The following SERINC3 variants were observed in gnomAD, a reference collection of about 807,000 sequenced individuals.
The protein encoded by SERINC3 is serine incorporator 3.
A neutral mutation model predicts 52.1 loss-of-function variants in SERINC3; 22 were observed. The observed-to-expected ratio is 0.42, with a 90% CI of 0.30 to 0.60. The LOEUF (loss-of-function observed/expected upper bound fraction) is 0.60, where lower values mean the gene tolerates loss of function less well. Among genes scored for constraint, SERINC3 ranks in the 20% least tolerant of loss-of-function variants. The pLI is 0.16. For synonymous variants in SERINC3, 226 were observed against 212.7 expected (o/e 1.06, Z -0.54); for missense variants, 564 against 584.6 (o/e 0.96, Z 0.36).
chr20:44,501,343 G>A (rs1180419216), intron 8 of SERINC3, 43 bp from the exon 9 acceptor site: 2 of 1,506,196 alleles, frequency 1.3e-6, no homozygotes, highest in African/African-American at 1.4e-5. Context: ...AAGGGGCCAT[G>A]ACAATGAACT....
At chr20:44,517,558 AG>A (rs1169248493) in intron 1 of SERINC3, among the ~76,000 whole-genome samples, 1 of 151,948 alleles carries the variant, frequency 6.6e-6, no homozygotes, top group East Asian at 1.9e-4. Context: ...CTACAAGCCA[AG>A]GAACATCAAA....
chr20:44,496,322 C>T (rs2064249139), downstream of SERINC3: 3 of 152,468 alleles, frequency 2.0e-5, no homozygotes, highest in South Asian at 4.1e-4. Context: ...CTTGAGTCAT[C>T]CAGCAGTAAT....
In SERINC3 at chr20:44,506,935, A is replaced by AT; in HGVS notation, c.674dup (p.Tyr225Ter). 1 of 1,613,532 alleles carries AT rather than the reference A, an allele frequency of 6.2e-7. No individual in the cohort carries two copies. ...ILSIICVGLL[Y>*]TYYTKPDGCT... ...AGCCATCTGGTTTGGTGTAATATGT[A>AT]TAGAGCAGCCCGACACAGATGATTG... Residue 225 changes from tyrosine to a stop codon, truncating the protein, a stop_gained and frameshift_variant, in exon 6 of 10, where the codon TAT becomes TAAT. Transcript: ENST00000342374. LOFTEE classifies it high-confidence loss of function.
chr20:44,500,932 G>C (rs1394669422), intron 9 of SERINC3, 141 bp downstream of exon 9: 2 of 635,786 alleles, frequency 3.1e-6, no homozygotes, highest in Admixed American at 2.8e-5. Flanking sequence ...TTAAATGCTA[G>C]AGGGGATAAA....
At position 44,500,300 on chromosome 20, in the gene SERINC3, C is replaced by G. The variant is rs147180080; in HGVS notation, c.1418G>C (p.Ser473Thr). The part of the protein sequence containing the change: ...APLVLTSRDF[S>T] ...GTGTCCTTGGCACTCAGAGGTTCAG[C>G]TGAAGTCCCGACTGGTGAGGACAAG... Residue 473 changes from serine (S) to threonine (T), a missense_variant, in exon 10 of 10, where the codon AGC becomes ACC. Ser to Thr is a moderately conservative substitution (Grantham distance 58, BLOSUM62 1). Transcript: ENST00000342374. 13 of 1,611,680 alleles carry G rather than the reference C, an allele frequency of 8.1e-6. No individual in the cohort carries two copies. In the African/African-American group the frequency reaches 1.2e-4, roughly 15 times the overall value.
At chr20:44,521,031 TG>T (rs1256848101) in intron 1 of SERINC3, among the ~76,000 whole-genome samples, 1 of 152,198 alleles carries the variant, frequency 6.6e-6, no homozygotes, top group Non-Finnish European at 1.5e-5. Context: ...GGCACCAAGT[TG>T]GCATCCCCTG....
chr20:44,508,550 A>C (rs1475427407), intron 5 of SERINC3, among the ~76,000 whole-genome samples: 2 of 152,230 alleles, frequency 1.3e-5, no homozygotes, highest in Admixed American at 1.3e-4. Flanking sequence ...AAACAATTTA[A>C]ATGACCAACA....
At chr20:44,507,166 T>C (rs770966515) in intron 5 of SERINC3, among the ~76,000 whole-genome samples, 170 bp from the exon 6 acceptor site, 7 of 152,236 alleles carry the variant, frequency 4.6e-5, no homozygotes, top group African/African-American at 9.6e-5. Context: ...TTGTATTCAA[T>C]TGGCTTGATG....
intron 1 of SERINC3, among the ~76,000 whole-genome samples, chr20:44,515,935 G>GT (rs1156558362): frequency 1.3e-5 from 2 of 152,072 alleles, no homozygotes; most frequent in Admixed American, 1.3e-4. Flanking sequence ...GATTACAGGC[G>GT]TGAGATACTG....
chr20:44,509,927 G>T lies in SERINC3; in HGVS notation c.577C>A (p.Arg193=), dbSNP rs754666404. The change falls in exon 5 of 10, where the codon CGA becomes AGA. Residue 193 remains arginine, a synonymous_variant. Transcript: ENST00000342374. The part of the protein sequence containing the change: ...AHSWNESWVN[R]MEEGNPRLWY... ...AACCTTGGGTTTCCTTCTTCCATTC[G>T]ATTTACCCATGATTCATTCCAAGAA... 6.2e-7 allele frequency: 1 copy of T among 1,614,052 alleles called. No homozygotes were observed. Among genetic ancestry groups the T allele is most frequent in the Non-Finnish European group, 8.5e-7 (1 of 1,179,984 alleles).
rs755983144 is a variant in SERINC3, at chr20:44,512,863, GAC to G, written c.331_332del (p.Val111LeufsTer12). On this transcript the variant is annotated frameshift_variant, in exon 3 of 10. Transcript: ENST00000342374. LOFTEE classifies it high-confidence loss of function. ...TTACTTTGAACATGAGCAGAGAAAAGACAAAGAAAAAGATGGCCATGGCAAAG... is the reference window on the plus strand; with the variant it reads ...TTACTTTGAACATGAGCAGAGAAAAGAAAGAAAAAGATGGCCATGGCAAAG... ...ISFAMAIFFFVFSLLMFKVKT... is the reference protein window; with the variant it reads ...ISFAMAIFFFXFSLLMFKVKT... 6.3e-7 allele frequency: 1 copy of G among 1,577,674 alleles called. No individual in the cohort carries two copies. Among genetic ancestry groups the G allele is most frequent in the Non-Finnish European group, 8.6e-7 (1 of 1,168,026 alleles).
intron 5 of SERINC3, among the ~76,000 whole-genome samples, chr20:44,509,134 T>C (rs2064332182): frequency 6.6e-6 from 1 of 152,190 alleles, no homozygotes; most frequent in Admixed American, 6.5e-5. Flanking sequence ...ATAGCCAAAA[T>C]ATATTCGCAA....
chr20:44,500,547 C>T (rs766294417), intron 9 of SERINC3, 113 bp from the exon 10 acceptor site: 20 of 1,216,348 alleles, frequency 1.6e-5, no homozygotes, highest in Non-Finnish European at 2.2e-5. Flanking sequence ...TTGGCTGGCA[C>T]TACCCCCCAG....
At chr20:44,502,650 T>C (rs1367931685) in intron 8 of SERINC3, among the ~76,000 whole-genome samples, 1 of 151,848 alleles carries the variant, frequency 6.6e-6, no homozygotes, top group Non-Finnish European at 1.5e-5. Context: ...TCTCACTCTG[T>C]CACCCAGGTG....
intron 1 of SERINC3, among the ~76,000 whole-genome samples, chr20:44,518,702 C>T (rs1331869957): frequency 1.3e-5 from 2 of 152,276 alleles, no homozygotes; most frequent in Non-Finnish European, 1.5e-5. Context: ...CAGTGGCTCA[C>T]ACCTGTAATC....
chr20:44,503,016 C>T (rs1478004578), intron 8 of SERINC3, among the ~76,000 whole-genome samples: 2 of 152,128 alleles, frequency 1.3e-5, no homozygotes, highest in Non-Finnish European at 2.9e-5. Flanking sequence ...TAGAATAAAA[C>T]ACTTAAAAAC....
chr20:44,516,687 C>T (rs187214017), intron 1 of SERINC3, among the ~76,000 whole-genome samples: 88 of 152,220 alleles, frequency 5.8e-4, no homozygotes, highest in Non-Finnish European at 8.5e-4. Context: ...CCAATGCACC[C>T]GGCCTTTGTT....
At chr20:44,500,956 A>G in intron 9 of SERINC3, 117 bp downstream of exon 9, 2 of 700,030 alleles carry the variant, frequency 2.9e-6, no homozygotes, top group Non-Finnish European at 5.0e-6. Context: ...AAGAGTATTT[A>G]ACCCAACTTC....
chr20:44,516,056 C>A (rs1359755406), intron 1 of SERINC3, among the ~76,000 whole-genome samples: 1 of 152,154 alleles, frequency 6.6e-6, no homozygotes, highest in Non-Finnish European at 1.5e-5. Context: ...GTAATCCCAG[C>A]ACTTTGGGAG....
Sources: gnomAD v4.1 joint callset for allele counts (sites outside exome capture counted in the v4.1 genomes callset) on GRCh38, gnomAD v4.1.1 for gene constraint, MANE v1.5 for transcripts, NCBI Gene and HGNC (gene_info 2026-07-23, HGNC 2026-07-21) for gene names.